Variants in NDUFAF6 observed in about 807,000 individuals in gnomAD.
NDUFAF6 encodes NADH dehydrogenase (ubiquinone) complex I, assembly factor 6.
NDUFAF6 carries 45 observed loss-of-function variants against 40.8 expected under a neutral mutation model. The ratio of observed to expected loss-of-function variants is 1.10; its 90% CI spans 0.87 to 1.42. The LOEUF (loss-of-function observed/expected upper bound fraction) is 1.42, where lower values mean the gene tolerates loss of function less well. Ranked by LOEUF, NDUFAF6 falls within the 40% of genes most tolerant of loss-of-function variation. The pLI, the probability that NDUFAF6 is intolerant of heterozygous loss-of-function variation, is 0.00. For missense variants in NDUFAF6, 435 were observed against 418.5 expected (o/e 1.04, Z -0.34); for synonymous variants, 185 against 155.9 (o/e 1.19, Z -1.39).
intron 5 of NDUFAF6, among the ~76,000 whole-genome samples, chr8:95,046,066 T>A (rs1361265796): frequency 2.6e-5 from 4 of 151,452 alleles, no homozygotes; most frequent in East Asian, 1.9e-4. Flanking sequence ...ATTTTATTTA[T>A]TTTATTTTAT....
intron 2 of NDUFAF6, among the ~76,000 whole-genome samples, chr8:95,000,792 C>T (rs1327485060): frequency 6.6e-6 from 1 of 151,804 alleles, no homozygotes; most frequent in Non-Finnish European, 1.5e-5. Context: ...AAAAATTGGC[C>T]AGGGGTGGAG....
chr8:95,052,185 T>C lies in NDUFAF6; in HGVS notation c.828T>C (p.Phe276=). Residue 276 remains phenylalanine, a synonymous_variant, in exon 8 of 9, where the codon TTT becomes TTC. Coordinates refer to ENST00000396124, the MANE Select transcript of NDUFAF6 (RefSeq NM_152416.4). ...CTCTTCCTTTTTAGGCTAGGTCCTT[T>C]CACAAAACTGTTCCTGTGAAAGCAT... ...AHLHLKHARS[F]HKTVPVKAFP... is the part of the protein sequence containing the mutation. The C allele has an allele frequency of 6.2e-7, 1 of 1,614,166 alleles. No individual in the cohort carries two copies. The highest frequency in any genetic ancestry group is 8.5e-7 in the Non-Finnish European group (1 of 1,180,018).
intron 1 of NDUFAF6, chr8:94,929,465 C>T (rs992028768): frequency 1.3e-5 from 2 of 151,748 alleles, no homozygotes; most frequent in Non-Finnish European, 2.9e-5. Flanking sequence ...ACTCTTCACT[C>T]AGATGCCATG....
chr8:94,982,549 G>C (rs1247952955), intron 2 of NDUFAF6, among the ~76,000 whole-genome samples: 1 of 152,226 alleles, frequency 6.6e-6, no homozygotes, highest in Non-Finnish European at 1.5e-5. Context: ...AGCCTAGTTT[G>C]ATGAAACTAT....
upstream of NDUFAF6, among the ~76,000 whole-genome samples, chr8:94,954,702 T>G (rs1822925283): frequency 6.6e-6 from 1 of 152,196 alleles, no homozygotes; most frequent in Non-Finnish European, 1.5e-5. Flanking sequence ...AGCAGTGCTG[T>G]TCTCAGGCTA....
intron 4 of NDUFAF6, among the ~76,000 whole-genome samples, chr8:95,108,585 G>A (rs1809908261): frequency 6.6e-6 from 1 of 152,164 alleles, no homozygotes; most frequent in African/African-American, 2.4e-5. Flanking sequence ...TGTTTAATGG[G>A]TAGAAAGTTT....
chr8:94,923,348 T>TG (rs1819633371), intron 1 of NDUFAF6, among the ~76,000 whole-genome samples: 2 of 152,242 alleles, frequency 1.3e-5, no homozygotes, highest in African/African-American at 4.8e-5. Context: ...CTGTCCAGTA[T>TG]GGTAGCTGCT....
At chr8:95,023,795 A>T (rs554689120), upstream of NDUFAF6, among the ~76,000 whole-genome samples, 1 of 152,314 alleles carries the variant, frequency 6.6e-6, no homozygotes, top group Non-Finnish European at 1.5e-5. Context: ...GATCGAGACC[A>T]TCCTGGCCAA....
intron 2 of NDUFAF6, chr8:94,949,135 G>GCCCCC (rs561010086): frequency 6.9e-6 from 1 of 145,784 alleles, no homozygotes; most frequent in Non-Finnish European, 1.5e-5. Flanking sequence ...ACGCCCGCCC[G>GCCCCC]CCCCCCCCCG....
intron 2 of NDUFAF6, among the ~76,000 whole-genome samples, chr8:94,985,511 A>T (rs1275916227): frequency 2.0e-3 from 10 of 5,052 alleles, no homozygotes; most frequent in South Asian, 0.012. Context: ...ATATATATAT[A>T]TATATTTTTT....
Position 95,003,532 on chromosome 8 carries a change from T to A in NDUFAF6, c.-84+22559T>A, listed in dbSNP as rs568125592. Among the ~76,000 whole-genome samples the A allele has an allele frequency of 8.5e-5, 13 of 152,318 alleles. No homozygotes were observed. In the South Asian group the frequency reaches 2.7e-3, roughly 32 times the overall value. On this transcript the variant is annotated intron_variant, in intron 2 of 9. Transcript: ENST00000396111. ...GCTATTAGAGACAGGTCTAAAATGC[T>A]ATTTCAGGGCCCTACTGGGTAGGGC...
At chr8:94,962,621 T>G (rs71504374) in intron 1 of NDUFAF6, among the ~76,000 whole-genome samples, 11 of 91,042 alleles carry the variant, frequency 1.2e-4, no homozygotes, top group South Asian at 8.2e-4. Context: ...TTTTTGTTTT[T>G]TTTTTTTTTG....
At chr8:95,049,101 T>C (rs1831141035) in intron 7 of NDUFAF6, among the ~76,000 whole-genome samples, 1 of 152,212 alleles carries the variant, frequency 6.6e-6, no homozygotes, top group Admixed American at 6.5e-5. Context: ...GCACTGCTCA[T>C]CATGCTATGA....
chr8:95,101,453 C>T (rs138176916), intron 2 of NDUFAF6, among the ~76,000 whole-genome samples: 4 of 152,242 alleles, frequency 2.6e-5, no homozygotes, highest in Non-Finnish European at 4.4e-5. Flanking sequence ...AGAGACAGGG[C>T]GCTCACAGCT....
In NDUFAF6 at chr8:95,029,556, A is replaced by C. The variant is rs149568954; in HGVS notation, c.198-2439A>C. Among the ~76,000 whole-genome samples the C allele has an allele frequency of 5.1e-3, 783 of 152,340 alleles. 5 individuals carry two copies. Among genetic ancestry groups the C allele is most frequent in the African/African-American group, 0.018 (743 of 41,580 alleles). On this transcript the variant is annotated intron_variant, in intron 1 of 8. Transcript: ENST00000396124. Reference sequence around the variant, plus strand: ...ACCATTTAATCCACAGGCCCCATTCAAATTTTGCTGATTATCTTATTATGT... The same window carrying C: ...ACCATTTAATCCACAGGCCCCATTCCAATTTTGCTGATTATCTTATTATGT...
At chr8:94,962,784 T>C (rs1364780206) in intron 1 of NDUFAF6, among the ~76,000 whole-genome samples, 1 of 107,802 alleles carries the variant, frequency 9.3e-6, no homozygotes, top group Non-Finnish European at 2.1e-5. Flanking sequence ...TCCAAACTCC[T>C]TTTTTTCTTT....
intron 1 of NDUFAF6, among the ~76,000 whole-genome samples, chr8:94,941,383 C>T (rs1821514727): frequency 6.6e-6 from 1 of 152,082 alleles, no homozygotes; most frequent in African/African-American, 2.4e-5. Flanking sequence ...ATCCTTCAAA[C>T]TTTTCTGCAA....
intron 1 of NDUFAF6, among the ~76,000 whole-genome samples, chr8:94,930,999 A>C (rs533805643): frequency 1.3e-5 from 2 of 152,340 alleles, no homozygotes; most frequent in East Asian, 3.9e-4. Flanking sequence ...TTAAACTTTG[A>C]ATTTCATTTA....
intron 9 of NDUFAF6, among the ~76,000 whole-genome samples, chr8:95,070,065 A>G (rs1832803023): frequency 6.6e-6 from 1 of 151,532 alleles, no homozygotes; most frequent in Admixed American, 6.6e-5. Flanking sequence ...CAGGGCAGGC[A>G]TTTTTATTAC....
Sources: gnomAD v4.1 joint callset for allele counts (sites outside exome capture counted in the v4.1 genomes callset) on GRCh38, gnomAD v4.1.1 for gene constraint, MANE v1.5 for transcripts, NCBI Gene and HGNC (gene_info 2026-07-23, HGNC 2026-07-21) for gene names.